TUSC3: variants seen among roughly 807,000 people sequenced by gnomAD.
TUSC3 encodes the protein dolichyl-diphosphooligosaccharide--protein glycosyltransferase subunit TUSC3.
A neutral mutation model predicts 44.8 loss-of-function variants in TUSC3; 45 were observed. That is an observed-to-expected ratio of 1.00 (90% CI 0.79 to 1.29). TUSC3 has a LOEUF of 1.29. Among genes scored for constraint, TUSC3 ranks in the 50% most tolerant of loss-of-function variants. The pLI is 0.00. For synonymous variants in TUSC3, 212 were observed against 152.9 expected, an observed-to-expected ratio of 1.39 and a Z score of -2.85; for missense variants, 519 against 437.9, an observed-to-expected ratio of 1.19 and a Z score of -1.65.
intron 1 of TUSC3, among the ~76,000 whole-genome samples, chr8:15,618,640 T>G (rs1479567905): frequency 6.6e-6 from 1 of 152,176 alleles, no homozygotes; most frequent in African/African-American, 2.4e-5. Flanking sequence ...TACAGTTAAC[T>G]TTAGAAAACA....
intron 1 of TUSC3, among the ~76,000 whole-genome samples, chr8:15,586,849 A>G (rs1803623839): frequency 6.6e-6 from 1 of 152,124 alleles, no homozygotes; most frequent in South Asian, 2.1e-4. Flanking sequence ...TTAGACCACC[A>G]CCTTTGGCGT....
chr8:15,487,146 A>C (rs1202632620), intron 2 of TUSC3, among the ~76,000 whole-genome samples: 1 of 152,010 alleles, frequency 6.6e-6, no homozygotes, highest in East Asian at 1.9e-4. Flanking sequence ...TTGTTTGTTT[A>C]GTTTTATTGT....
chr8:15,478,137 A>G (rs1050126124), intron 1 of TUSC3, among the ~76,000 whole-genome samples: 1 of 151,998 alleles, frequency 6.6e-6, no homozygotes, highest in Admixed American at 6.6e-5. Flanking sequence ...TTGTATTTTT[A>G]GTAGAGACGG....
downstream of TUSC3, among the ~76,000 whole-genome samples, chr8:15,770,063 G>GTA (rs1812414164): frequency 6.6e-6 from 1 of 152,136 alleles, no homozygotes; most frequent in African/African-American, 2.4e-5. Context: ...CCATTACTGG[G>GTA]TATATACACA....
At chr8:15,679,221 C>A (rs1585221485) in intron 6 of TUSC3, among the ~76,000 whole-genome samples, 4 of 152,214 alleles carry the variant, frequency 2.6e-5, no homozygotes, top group African/African-American at 9.6e-5. Flanking sequence ...ACATTCCCAG[C>A]AGTGGTGTAT....
At chr8:15,429,660 G>A (rs1367613245) in intron 1 of TUSC3, among the ~76,000 whole-genome samples, 1 of 151,476 alleles carries the variant, frequency 6.6e-6, no homozygotes, top group African/African-American at 2.4e-5. Flanking sequence ...TTGAGCAGTG[G>A]TTTGTAGTTC....
chr8:15,640,043 C>T (rs1176270896), intron 2 of TUSC3, among the ~76,000 whole-genome samples: 1 of 152,116 alleles, frequency 6.6e-6, no homozygotes, highest in East Asian at 1.9e-4. Flanking sequence ...CATATGGGAA[C>T]TTGGATTTTG....
chr8:15,465,151 A>T (rs1360415423), intron 1 of TUSC3, among the ~76,000 whole-genome samples: 1 of 152,164 alleles, frequency 6.6e-6, no homozygotes, highest in Non-Finnish European at 1.5e-5. Context: ...CTGGTCAAAG[A>T]CTTCTAATAC....
At chr8:15,497,623 C>T (rs1048763135) in intron 2 of TUSC3, among the ~76,000 whole-genome samples, 1 of 152,070 alleles carries the variant, frequency 6.6e-6, no homozygotes, top group Admixed American at 6.5e-5. Flanking sequence ...CGAATATAGA[C>T]AATTATGTTG....
At chr8:15,644,158 T>C (rs1806513785) in intron 2 of TUSC3, among the ~76,000 whole-genome samples, 1 of 152,066 alleles carries the variant, frequency 6.6e-6, no homozygotes, top group Non-Finnish European at 1.5e-5. Flanking sequence ...TAAAAGATTG[T>C]AGCATTTAGA....
At chr8:15,597,765 C>G (rs1383326413) in intron 1 of TUSC3, among the ~76,000 whole-genome samples, 30 of 152,006 alleles carry the variant, frequency 2.0e-4, no homozygotes, top group Admixed American at 2.0e-3. Flanking sequence ...AAGCATATGG[C>G]TAAGTCTTAA....
intron 1 of TUSC3, among the ~76,000 whole-genome samples, chr8:15,567,995 C>T (rs764165795): frequency 5.3e-5 from 8 of 152,006 alleles, no homozygotes; most frequent in Non-Finnish European, 1.2e-4. Flanking sequence ...TGTTAACAAC[C>T]CCCTTTTCTA....
intron 6 of TUSC3, among the ~76,000 whole-genome samples, chr8:15,730,221 A>C (rs1346977499): frequency 6.6e-6 from 1 of 152,140 alleles, no homozygotes; most frequent in Admixed American, 6.6e-5. Flanking sequence ...TGCTATAATG[A>C]ATTATGTGCA....
At chr8:15,703,956 C>T (rs1047145859) in intron 6 of TUSC3, among the ~76,000 whole-genome samples, 5 of 152,110 alleles carry the variant, frequency 3.3e-5, no homozygotes, top group African/African-American at 1.2e-4. Context: ...GCTTGGCGCA[C>T]TGCAAAATAA....
chr8:15,435,997 G>A (rs927228469), intron 1 of TUSC3, among the ~76,000 whole-genome samples: 28 of 152,176 alleles, frequency 1.8e-4, no homozygotes, highest in Admixed American at 1.6e-3. Flanking sequence ...CATCACAGAC[G>A]TATGTTGACT....
intron 3 of TUSC3, among the ~76,000 whole-genome samples, chr8:15,656,132 A>G (rs1022791258): frequency 2.0e-5 from 3 of 152,032 alleles, no homozygotes; most frequent in African/African-American, 7.2e-5. Context: ...AATGAGTAAA[A>G]AACATTCAAA....
the TUSC3 span, among the ~76,000 whole-genome samples, chr8:15,788,834 C>T: frequency 6.6e-6 from 1 of 152,150 alleles, no homozygotes; most frequent in Non-Finnish European, 1.5e-5. Context: ...TGCAAAGCCA[C>T]TCTCTTAGTA....
chr8:15,667,879 C>G (rs1295741116), intron 5 of TUSC3, among the ~76,000 whole-genome samples: 1 of 151,660 alleles, frequency 6.6e-6, no homozygotes, highest in African/African-American at 2.4e-5. Context: ...GCGTGAACAT[C>G]TTGACCCTTT....
chr8:15,752,761 T>G (rs1390675617), intron 9 of TUSC3, among the ~76,000 whole-genome samples: 3 of 152,040 alleles, frequency 2.0e-5, no homozygotes, highest in Middle Eastern at 3.2e-3. Context: ...AGAATCAAAG[T>G]TGAAAATAAC....
Sources: allele counts gnomAD v4.1 joint callset (sites outside exome capture counted in the v4.1 genomes callset), GRCh38; gene constraint gnomAD v4.1.1; transcripts MANE v1.5; gene names NCBI Gene and HGNC (gene_info 2026-07-23, HGNC 2026-07-21).